KATNIP: variants seen among roughly 807,000 people sequenced by gnomAD.
KATNIP encodes the protein katanin-interacting protein.
KATNIP carries 126 observed loss-of-function variants against 174.0 expected under a neutral mutation model. That is an observed-to-expected ratio of 0.72 (90% CI 0.63 to 0.84). The LOEUF is 0.84. KATNIP is among the 40% of genes least tolerant of loss of function. KATNIP has a pLI of 0.00. For synonymous variants in KATNIP, 810 were observed against 835.7 expected, an observed-to-expected ratio of 0.97 and a Z score of 0.53; for missense variants, 1,958 against 2,109.7, an observed-to-expected ratio of 0.93 and a Z score of 1.41.
At chr16:27,550,789 A>C (rs1381793813) in intron 1 of KATNIP, among the ~76,000 whole-genome samples, 1 of 152,208 alleles carries the variant, frequency 6.6e-6, no homozygotes, top group African/African-American at 2.4e-5. Context: ...GAACTTGCCC[A>C]AAGTCAAACA....
At position 27,599,050 on chromosome 16, in the gene KATNIP, G is replaced by A. The variant is rs577333288; in HGVS notation, c.64-19375G>A. On this transcript the variant is annotated intron_variant, in intron 2 of 27. Transcript: ENST00000261588. ...AAGCCACCAGCCATCCACACTCCCA[G>A]CAGCTGGGGCATGTGAGCGATCTGG... 4.5e-4 allele frequency among the ~76,000 whole-genome samples: 69 copies of A among 152,336 alleles called. 1 individual carries two copies. Among genetic ancestry groups the A allele is most frequent in the African/African-American group, 1.6e-3 (68 of 41,582 alleles).
At chr16:27,605,931 A>G (rs112175214) in intron 2 of KATNIP, among the ~76,000 whole-genome samples, 29 of 152,264 alleles carry the variant, frequency 1.9e-4, no homozygotes, top group African/African-American at 2.2e-4. Flanking sequence ...GGAGTTCGAG[A>G]CTAGCCTGGC....
At chr16:27,708,232 A>T (rs2079409240) in intron 12 of KATNIP, among the ~76,000 whole-genome samples, 1 of 151,354 alleles carries the variant, frequency 6.6e-6, no homozygotes, top group African/African-American at 2.4e-5. Flanking sequence ...TTTGTTGCTT[A>T]GGCTGATCTT....
chr16:27,633,807 C>T (rs2076560117), intron 5 of KATNIP, among the ~76,000 whole-genome samples: 1 of 152,306 alleles, frequency 6.6e-6, no homozygotes, highest in Middle Eastern at 3.4e-3. Context: ...TGCATAGCTA[C>T]TAAGGAAGAG....
chr16:27,750,419 CTTTTTT>C (rs369243500), intron 16 of KATNIP, 113 bp downstream of exon 16: 63 of 670,266 alleles, frequency 9.4e-5, no homozygotes, highest in East Asian at 1.3e-4. Flanking sequence ...CTTTCTCTTT[CTTTTTT>C]TTTTTTTTTT....
At chr16:27,574,658 G>A (rs899132613) in intron 2 of KATNIP, among the ~76,000 whole-genome samples, 3 of 148,950 alleles carry the variant, frequency 2.0e-5, no homozygotes, top group Non-Finnish European at 3.0e-5. Context: ...TCCGCCTCCC[G>A]GGTTCAAGCA....
At chr16:27,634,797 T>C (rs1197694491) in intron 5 of KATNIP, among the ~76,000 whole-genome samples, 1 of 152,106 alleles carries the variant, frequency 6.6e-6, no homozygotes. Context: ...AATGTAACCA[T>C]AATAGGTCCA....
At chr16:27,707,564 A>G (rs531145950) in intron 12 of KATNIP, among the ~76,000 whole-genome samples, 2 of 152,358 alleles carry the variant, frequency 1.3e-5, no homozygotes, top group East Asian at 3.9e-4. Flanking sequence ...CTCTTCCCCA[A>G]CCAGGCCGAG....
At chr16:27,624,415 G>C (rs536944127) in intron 3 of KATNIP, among the ~76,000 whole-genome samples, 10 of 152,156 alleles carry the variant, frequency 6.6e-5, no homozygotes, top group Non-Finnish European at 1.5e-4. Context: ...GCATAAAATG[G>C]AAATGATGGG....
At chr16:27,596,777 C>G (rs985453429) in intron 2 of KATNIP, among the ~76,000 whole-genome samples, 13 of 152,168 alleles carry the variant, frequency 8.5e-5, no homozygotes, top group Non-Finnish European at 1.5e-4. Context: ...AATCTCAGCA[C>G]TTTGGGAGGC....
At chr16:27,715,678 A>C (rs1267855316) in intron 13 of KATNIP, among the ~76,000 whole-genome samples, 1 of 152,258 alleles carries the variant, frequency 6.6e-6, no homozygotes, top group African/African-American at 2.4e-5. Context: ...GCTAATGAGC[A>C]CATTAAAGAT....
chr16:27,680,996 A>T (rs998004898), intron 7 of KATNIP, among the ~76,000 whole-genome samples: 20 of 152,010 alleles, frequency 1.3e-4, no homozygotes, highest in African/African-American at 4.3e-4. Flanking sequence ...TACCCAGCCT[A>T]TTTTGTTCAT....
At chr16:27,562,667 G>A (rs980246108) in intron 1 of KATNIP, among the ~76,000 whole-genome samples, 12 of 152,212 alleles carry the variant, frequency 7.9e-5, no homozygotes, top group African/African-American at 2.7e-4. Flanking sequence ...TGGTTGGAGT[G>A]CCAGAGTGGG....
chr16:27,694,073 G>T (rs1195691239), intron 8 of KATNIP, among the ~76,000 whole-genome samples: 1 of 152,064 alleles, frequency 6.6e-6, no homozygotes, highest in Non-Finnish European at 1.5e-5. Context: ...CCCTTTCTTG[G>T]GTGCCTGGCA....
At chr16:27,774,208 C>A (rs1028022449) in intron 23 of KATNIP, among the ~76,000 whole-genome samples, 1 of 152,216 alleles carries the variant, frequency 6.6e-6, no homozygotes, top group Admixed American at 6.5e-5. Flanking sequence ...GGATCCTTTT[C>A]TGCCTTCCCC....
chr16:27,647,241 C>A (rs61466548), intron 5 of KATNIP, among the ~76,000 whole-genome samples: 22,622 of 152,060 alleles, frequency 0.15, 2,728 homozygotes, highest in East Asian at 0.61. Flanking sequence ...GTCTGCAGTC[C>A]AGAAAGTTTG....
At chr16:27,701,505 GC>G in intron 10 of KATNIP, 83 bp from the exon 11 acceptor site, 1 of 1,002,574 alleles carries the variant, frequency 1.0e-6, no homozygotes, top group Non-Finnish European at 1.5e-6. Flanking sequence ...GCCTGAGCAT[GC>G]CTGCCCTTGA....
intron 2 of KATNIP, among the ~76,000 whole-genome samples, chr16:27,585,540 C>T (rs1222792484): frequency 6.6e-6 from 1 of 152,064 alleles, no homozygotes; most frequent in African/African-American, 2.4e-5. Context: ...AACAGACACA[C>T]GTATAAAGAG....
At chr16:27,700,558 C>T (rs1394184179) in intron 10 of KATNIP, among the ~76,000 whole-genome samples, 3 of 152,118 alleles carry the variant, frequency 2.0e-5, no homozygotes, top group African/African-American at 7.2e-5. Context: ...GGGGTGGTGG[C>T]TGCTGCTCAC....
Sources: gnomAD v4.1 joint callset for allele counts (sites outside exome capture counted in the v4.1 genomes callset) on GRCh38, gnomAD v4.1.1 for gene constraint, MANE v1.5 for transcripts, NCBI Gene and HGNC (gene_info 2026-07-23, HGNC 2026-07-21) for gene names.